The following NRG3 variants were observed in gnomAD, a reference collection of about 807,000 sequenced individuals.
The protein encoded by NRG3 is pro-neuregulin-3, membrane-bound isoform.
In NRG3, 31 loss-of-function variants were observed where a neutral mutation model predicts 66.9. The observed-to-expected ratio is 0.46, with a 90% CI of 0.35 to 0.63. The LOEUF (loss-of-function observed/expected upper bound fraction) is 0.63. Ranked by LOEUF, NRG3 falls within the 20% of genes least tolerant of loss-of-function variation. The pLI is 0.00. For missense variants in NRG3, 910 were observed against 878.9 expected, an observed-to-expected ratio of 1.04 and a Z score of -0.45; for synonymous variants, 393 against 359.4, an observed-to-expected ratio of 1.09 and a Z score of -1.06.
intron 4 of NRG3, among the ~76,000 whole-genome samples, chr10:82,944,883 G>T (rs559139276): frequency 3.9e-5 from 6 of 152,260 alleles, no homozygotes; most frequent in Non-Finnish European, 8.8e-5. Context: ...GAAAATAGAA[G>T]AAATAAAGGA....
At chr10:81,878,075 G>C (rs1841844491) in intron 1 of NRG3, 1 of 1,534,808 alleles carries the variant, frequency 6.5e-7, no homozygotes, top group East Asian at 2.4e-5. Context: ...CATTCCGGAG[G>C]TCTTTAAAGA....
intron 1 of NRG3, among the ~76,000 whole-genome samples, chr10:82,086,403 G>A (rs1020842680): frequency 3.9e-5 from 6 of 151,982 alleles, no homozygotes; most frequent in African/African-American, 1.5e-4. Context: ...TCAGATTGCA[G>A]TTCAATTTTT....
intron 2 of NRG3, among the ~76,000 whole-genome samples, chr10:82,568,726 A>C (rs1278554685): frequency 1.3e-5 from 2 of 151,852 alleles, no homozygotes; most frequent in Middle Eastern, 6.8e-3. Context: ...TCTCAGTTCA[A>C]ATTACGTTTA....
At chr10:82,475,651 A>G (rs1315240345) in intron 2 of NRG3, among the ~76,000 whole-genome samples, 1 of 152,198 alleles carries the variant, frequency 6.6e-6, no homozygotes, top group Non-Finnish European at 1.5e-5. Context: ...ATGCAAAAAA[A>G]TTAAGTTAGA....
intron 2 of NRG3, among the ~76,000 whole-genome samples, chr10:82,655,173 G>A (rs144690338): frequency 1.7e-3 from 253 of 151,754 alleles, no homozygotes; most frequent in African/African-American, 5.7e-3. Flanking sequence ...GAAAGTACAC[G>A]AAGACAAAAT....
intron 2 of NRG3, among the ~76,000 whole-genome samples, chr10:82,373,914 C>A (rs1401450530): frequency 6.6e-6 from 1 of 152,108 alleles, no homozygotes; most frequent in Non-Finnish European, 1.5e-5. Context: ...TACAAGCTAA[C>A]CAAAACATTA....
chr10:82,709,438 G>A (rs1025627726), intron 2 of NRG3, among the ~76,000 whole-genome samples: 3 of 151,772 alleles, frequency 2.0e-5, no homozygotes, highest in Admixed American at 1.3e-4. Flanking sequence ...CTGGAGTGCT[G>A]TGGCGCGATC....
At chr10:82,888,120 T>A (rs1183862664) in intron 4 of NRG3, among the ~76,000 whole-genome samples, 1 of 152,172 alleles carries the variant, frequency 6.6e-6, no homozygotes, top group Non-Finnish European at 1.5e-5. Flanking sequence ...ATTTTCCTTG[T>A]CTAAATGGAG....
chr10:82,735,648 A>T (rs543388535), intron 2 of NRG3, among the ~76,000 whole-genome samples: 71 of 152,296 alleles, frequency 4.7e-4, no homozygotes, highest in African/African-American at 1.6e-3. Context: ...TCAGTAAGCT[A>T]TCACAGAAAC....
intron 2 of NRG3, among the ~76,000 whole-genome samples, chr10:82,629,946 A>C (rs1462214401): frequency 6.6e-6 from 1 of 152,130 alleles, no homozygotes; most frequent in Non-Finnish European, 1.5e-5. Context: ...TGAAAAGCAG[A>C]TGTCCCAATG....
intron 1 of NRG3, among the ~76,000 whole-genome samples, chr10:82,342,985 T>C (rs1036431019): frequency 6.6e-6 from 1 of 152,132 alleles, no homozygotes; most frequent in African/African-American, 2.4e-5. Flanking sequence ...CGTCTGCATA[T>C]GGTTATCCAA....
At chr10:81,936,838 A>G (rs994563288) in intron 1 of NRG3, among the ~76,000 whole-genome samples, 3 of 152,204 alleles carry the variant, frequency 2.0e-5, no homozygotes, top group Admixed American at 1.3e-4. Flanking sequence ...AATTGTGTTT[A>G]AAAAATTATT....
At chr10:81,973,947 A>AT (rs933963575) in intron 1 of NRG3, among the ~76,000 whole-genome samples, 1 of 152,058 alleles carries the variant, frequency 6.6e-6, no homozygotes, top group African/African-American at 2.4e-5. Context: ...TTGTGTTGCA[A>AT]TTGCTTTTGG....
At chr10:82,962,174 A>C (rs546732540) in intron 6 of NRG3, among the ~76,000 whole-genome samples, 1 of 152,324 alleles carries the variant, frequency 6.6e-6, no homozygotes, top group South Asian at 2.1e-4. Context: ...AGAAGCATCT[A>C]GTCCCTACCA....
At chr10:82,013,193 A>G (rs1322707418) in intron 1 of NRG3, among the ~76,000 whole-genome samples, 1 of 152,142 alleles carries the variant, frequency 6.6e-6, no homozygotes, top group Non-Finnish European at 1.5e-5. Flanking sequence ...AGGAGCAATC[A>G]CATCTTACAT....
At chr10:81,977,455 A>C (rs2060166196) in intron 1 of NRG3, among the ~76,000 whole-genome samples, 1 of 152,194 alleles carries the variant, frequency 6.6e-6, no homozygotes, top group African/African-American at 2.4e-5. Context: ...TATAGGCTTA[A>C]AGTAGACAAT....
At chr10:82,335,108 C>T (rs1368075431) in intron 1 of NRG3, among the ~76,000 whole-genome samples, 1 of 152,202 alleles carries the variant, frequency 6.6e-6, no homozygotes, top group East Asian at 1.9e-4. Context: ...GCATTTGCTT[C>T]ATGAAGCTAC....
chr10:82,457,095 T>C (rs566378757), intron 2 of NRG3, among the ~76,000 whole-genome samples: 2 of 152,138 alleles, frequency 1.3e-5, no homozygotes, highest in Non-Finnish European at 2.9e-5. Flanking sequence ...AAATAAAAAC[T>C]TCCATGCATC....
intron 1 of NRG3, among the ~76,000 whole-genome samples, chr10:82,047,511 G>C (rs1313898788): frequency 1.3e-5 from 2 of 151,752 alleles, no homozygotes; most frequent in African/African-American, 4.8e-5. Flanking sequence ...AGCTTCATAA[G>C]CGAAGGAGAA....
Sources: allele counts gnomAD v4.1 joint callset (sites outside exome capture counted in the v4.1 genomes callset), GRCh38; gene constraint gnomAD v4.1.1; transcripts MANE v1.5; gene names NCBI Gene and HGNC (gene_info 2026-07-23, HGNC 2026-07-21).